ATF7IP: variants seen among roughly 807,000 people sequenced by gnomAD.
The protein encoded by ATF7IP is activating transcription factor 7-interacting protein 1.
ATF7IP carries 23 observed loss-of-function variants against 106.4 expected under a neutral mutation model. The ratio of observed to expected loss-of-function variants is 0.22; its 90% CI spans 0.16 to 0.31. The LOEUF (loss-of-function observed/expected upper bound fraction) is 0.31, where lower values mean the gene tolerates loss of function less well. ATF7IP is among the 10% of genes least tolerant of loss of function. The pLI, the probability that ATF7IP is intolerant of heterozygous loss-of-function variation, is 1.00. For synonymous variants in ATF7IP, 542 were observed against 539.0 expected (o/e 1.01, Z -0.08); for missense variants, 1,334 against 1,524.3 (o/e 0.88, Z 2.08).
At chr12:14,469,830 C>G (rs1203730180) in intron 10 of ATF7IP, among the ~76,000 whole-genome samples, 1 of 152,168 alleles carries the variant, frequency 6.6e-6, no homozygotes, top group Non-Finnish European at 1.5e-5. Context: ...ACTTCCAAGT[C>G]GTCTGTCTGG....
chr12:14,480,901 T>C, intron 12 of ATF7IP, 102 bp from the exon 13 acceptor site: 1 of 1,010,626 alleles, frequency 9.9e-7, no homozygotes, highest in South Asian at 1.6e-5. Flanking sequence ...TTTCTGTCTT[T>C]ATTAGTTAAT....
At chr12:14,462,297 AAG>A in intron 9 of ATF7IP, among the ~76,000 whole-genome samples, 1 of 152,190 alleles carries the variant, frequency 6.6e-6, no homozygotes, top group African/African-American at 2.4e-5. Flanking sequence ...ACAACACTAA[AAG>A]AGATGCTTAC....
At chr12:14,374,149 G>T (rs1206095086) in intron 1 of ATF7IP, among the ~76,000 whole-genome samples, 1 of 150,684 alleles carries the variant, frequency 6.6e-6, no homozygotes. Flanking sequence ...TCCAGCTGGA[G>T]TGCAGTGGTG....
intron 1 of ATF7IP, among the ~76,000 whole-genome samples, chr12:14,370,438 A>G (rs936668379): frequency 6.6e-5 from 10 of 152,174 alleles, no homozygotes; most frequent in African/African-American, 2.4e-4. Flanking sequence ...AAAATCCAAT[A>G]CCCACTCACA....
At chr12:14,377,832 T>G (rs1268866471) in intron 1 of ATF7IP, among the ~76,000 whole-genome samples, 13 of 151,876 alleles carry the variant, frequency 8.6e-5, no homozygotes. Flanking sequence ...CAGGCTGGTC[T>G]CGAGCTCCTG....
At chr12:14,489,271 C>T (rs1361865163) in intron 13 of ATF7IP, among the ~76,000 whole-genome samples, 1 of 152,162 alleles carries the variant, frequency 6.6e-6, no homozygotes, top group South Asian at 2.1e-4. Flanking sequence ...AGACTGATTT[C>T]TTCTTGGCAG....
intron 2 of ATF7IP, among the ~76,000 whole-genome samples, chr12:14,425,947 T>C (rs77554930): frequency 0.038 from 5,754 of 152,274 alleles, 208 homozygotes; most frequent in African/African-American, 0.09. Context: ...GACAGCACCA[T>C]TGTTGTAAGC....
intron 1 of ATF7IP, among the ~76,000 whole-genome samples, chr12:14,374,504 A>C (rs921744473): frequency 1.3e-5 from 2 of 152,104 alleles, no homozygotes; most frequent in Admixed American, 6.6e-5. Flanking sequence ...TTACCTGATT[A>C]ATAAGTAAGT....
chr12:14,413,773 GT>G (rs982346051), intron 1 of ATF7IP, among the ~76,000 whole-genome samples: 1 of 151,334 alleles, frequency 6.6e-6, no homozygotes, highest in Non-Finnish European at 1.5e-5. Flanking sequence ...TAATAAAAGG[GT>G]TTTTTTTCAA....
intron 1 of ATF7IP, among the ~76,000 whole-genome samples, chr12:14,388,642 C>T (rs1264911244): frequency 4.6e-5 from 7 of 152,102 alleles, no homozygotes; most frequent in African/African-American, 1.7e-4. Flanking sequence ...CCACTGCGCC[C>T]AGCCTTCTTT....
At chr12:14,471,199 C>T (rs189035885) in intron 10 of ATF7IP, among the ~76,000 whole-genome samples, 3 of 152,292 alleles carry the variant, frequency 2.0e-5, no homozygotes, top group Admixed American at 6.5e-5. Context: ...AAAGCCCCAT[C>T]TATGGTATAT....
chr12:14,455,587 T>C (rs1161729342), intron 6 of ATF7IP, among the ~76,000 whole-genome samples: 2 of 151,906 alleles, frequency 1.3e-5, no homozygotes, highest in Non-Finnish European at 2.9e-5. Flanking sequence ...CTTCCATTTT[T>C]TGTTTGTTTG....
chr12:14,429,234 T>C (rs2136578948), intron 2 of ATF7IP, among the ~76,000 whole-genome samples: 1 of 152,298 alleles, frequency 6.6e-6, no homozygotes, highest in Admixed American at 6.5e-5. Flanking sequence ...TCCGGGGACA[T>C]CTTTTCTTTG....
chr12:14,387,686 C>G (rs1458617717), intron 1 of ATF7IP, among the ~76,000 whole-genome samples: 1 of 152,164 alleles, frequency 6.6e-6, no homozygotes, highest in Admixed American at 6.5e-5. Context: ...TAAATTACCC[C>G]TTAATGAGAT....
intron 2 of ATF7IP, among the ~76,000 whole-genome samples, chr12:14,427,443 A>C (rs568134199): frequency 1.5e-4 from 23 of 151,624 alleles, no homozygotes; most frequent in African/African-American, 4.1e-4. Context: ...GCTCACTGCA[A>C]CCTCCGCCTC....
intron 1 of ATF7IP, among the ~76,000 whole-genome samples, chr12:14,366,674 GATT>G (rs1938308181): frequency 6.6e-6 from 1 of 152,140 alleles, no homozygotes; most frequent in African/African-American, 2.4e-5. Flanking sequence ...GCTTCAGCTA[GATT>G]ATTGTTACTT....
rs189674782 is a variant in ATF7IP at position 14,380,383 on chromosome 12, C to T, written c.-8+14556C>T. Among the ~76,000 whole-genome samples the T allele has an allele frequency of 7.2e-5, 11 of 152,172 alleles. No individual in the cohort carries two copies. In the East Asian group the frequency reaches 1.9e-3, roughly 27 times the overall value. ...AAAAGTTGATTGCCTTATCTAAATT[C>T]GACAGTTTGAAACTTCCCTTTAGGC... On this transcript the variant is annotated intron_variant, in intron 1 of 14. Coordinates refer to ENST00000261168, the MANE Select transcript of ATF7IP (RefSeq NM_018179.5).
intron 13 of ATF7IP, among the ~76,000 whole-genome samples, chr12:14,490,945 C>T (rs1565556919): frequency 6.6e-6 from 1 of 151,954 alleles, no homozygotes; most frequent in Non-Finnish European, 1.5e-5. Context: ...CAGTTTCCAC[C>T]AAAGCCCCTT....
chr12:14,441,614 C>T (rs537949499), intron 5 of ATF7IP, among the ~76,000 whole-genome samples: 33 of 151,782 alleles, frequency 2.2e-4, no homozygotes, highest in South Asian at 6.3e-4. Context: ...CTCAGCCTCC[C>T]GAGCAGCTGG....
Sources: allele counts gnomAD v4.1 joint callset (sites outside exome capture counted in the v4.1 genomes callset), GRCh38; gene constraint gnomAD v4.1.1; transcripts MANE v1.5; gene names NCBI Gene and HGNC (gene_info 2026-07-23, HGNC 2026-07-21).